Variants in GALNT17 observed in about 807,000 individuals in gnomAD.
GALNT17 encodes polypeptide N-acetylgalactosaminyltransferase 17.
GALNT17 carries 29 observed loss-of-function variants against 63.7 expected under a neutral mutation model. That is an observed-to-expected ratio of 0.46 (90% confidence interval 0.34 to 0.62). GALNT17 has a LOEUF of 0.62. Among genes scored for constraint, GALNT17 ranks in the 20% least tolerant of loss-of-function variants. The pLI, the probability that GALNT17 is intolerant of heterozygous loss-of-function variation, is 0.01. For missense variants in GALNT17, 603 were observed against 799.6 expected (o/e 0.75, Z 2.97); for synonymous variants, 305 against 318.3 (o/e 0.96, Z 0.45).
chr7:71,138,956 C>A (rs530273816), intron 1 of GALNT17, among the ~76,000 whole-genome samples: 2 of 151,936 alleles, frequency 1.3e-5, no homozygotes, highest in African/African-American at 2.4e-5. Flanking sequence ...GTCTGGGCGA[C>A]GGAACAAGAT....
intron 1 of GALNT17, among the ~76,000 whole-genome samples, chr7:71,311,248 A>G (rs1346192209): frequency 2.6e-5 from 4 of 152,146 alleles, no homozygotes; most frequent in Non-Finnish European, 5.9e-5. Context: ...GATGGGCCTG[A>G]TGAGGATGCA....
chr7:71,507,292 C>A (rs1788284863), intron 5 of GALNT17, among the ~76,000 whole-genome samples: 1 of 152,172 alleles, frequency 6.6e-6, no homozygotes, highest in Non-Finnish European at 1.5e-5. Flanking sequence ...AAAAAGTCTA[C>A]TGTTAAGCCT....
intron 1 of GALNT17, among the ~76,000 whole-genome samples, chr7:71,323,334 G>C (rs1361070246): frequency 1.3e-5 from 2 of 152,150 alleles, no homozygotes; most frequent in African/African-American, 2.4e-5. Context: ...CATCACTCTG[G>C]AATTTCTGCA....
intron 1 of GALNT17, among the ~76,000 whole-genome samples, chr7:71,159,791 G>A (rs931721111): frequency 6.7e-6 from 1 of 149,824 alleles, no homozygotes; most frequent in African/African-American, 2.5e-5. Flanking sequence ...ATTATTTTGG[G>A]TTTTTTTTGA....
chr7:71,225,002 C>T (rs1014826475), intron 1 of GALNT17, among the ~76,000 whole-genome samples: 3 of 152,126 alleles, frequency 2.0e-5, no homozygotes, highest in Non-Finnish European at 2.9e-5. Context: ...GAGACAGAGT[C>T]TCCCTCTGCC....
At chr7:71,661,247 C>G (rs889997747) in intron 6 of GALNT17, among the ~76,000 whole-genome samples, 1 of 152,070 alleles carries the variant, frequency 6.6e-6, no homozygotes, top group Non-Finnish European at 1.5e-5. Context: ...CGCATGTGGT[C>G]GGGGGTGTGG....
intron 5 of GALNT17, among the ~76,000 whole-genome samples, chr7:71,540,570 T>C (rs1788872690): frequency 6.6e-6 from 1 of 152,154 alleles, no homozygotes; most frequent in Non-Finnish European, 1.5e-5. Context: ...TTGTAGAGTA[T>C]TTTAATCAGG....
intron 9 of GALNT17, among the ~76,000 whole-genome samples, chr7:71,695,503 T>C (rs1406354137): frequency 6.6e-6 from 1 of 152,156 alleles, no homozygotes; most frequent in African/African-American, 2.4e-5. Flanking sequence ...TAAGCTCCCA[T>C]ATATATTTTT....
chr7:71,319,096 A>ATCTATCTTTCTTTTCTTTCTTTCTT (rs779161547), intron 1 of GALNT17, among the ~76,000 whole-genome samples: 1 of 131,882 alleles, frequency 7.6e-6, no homozygotes, highest in Non-Finnish European at 1.6e-5. Context: ...ATTTTTGTTT[A>ATCTATCTTTCTTTTCTTTCTTTCTT]TCTTTCTTTC....
At chr7:71,348,369 A>G (rs1792131881) in intron 2 of GALNT17, among the ~76,000 whole-genome samples, 1 of 152,220 alleles carries the variant, frequency 6.6e-6, no homozygotes, top group African/African-American at 2.4e-5. Context: ...GGCAATGTTA[A>G]TTAGATCTTT....
chr7:71,575,310 C>T (rs1789517615), intron 6 of GALNT17, among the ~76,000 whole-genome samples: 2 of 151,940 alleles, frequency 1.3e-5, no homozygotes, highest in Admixed American at 6.6e-5. Context: ...TTTACATATA[C>T]AAGCTTACCT....
At chr7:71,143,772 G>T (rs1787961213) in intron 1 of GALNT17, among the ~76,000 whole-genome samples, 1 of 152,054 alleles carries the variant, frequency 6.6e-6, no homozygotes, top group African/African-American at 2.4e-5. Context: ...GGGCACGGTG[G>T]CTCACGCCTG....
At position 71,161,009 on chromosome 7, in the gene GALNT17, A is replaced by AT. The variant is rs113875313; in HGVS notation, c.238+27979dup. ...CCACTATGCCTGGCTAATTAAAACAATTTTTTTTTTCCGTAGAGATAGGGT... is the reference window on the plus strand; with the variant it reads ...CCACTATGCCTGGCTAATTAAAACAATTTTTTTTTTTCCGTAGAGATAGGGT... On this transcript the variant is annotated intron_variant, in intron 1 of 10. Transcript: ENST00000333538. Among the ~76,000 whole-genome samples the AT allele has an allele frequency of 9.2e-3, 1,373 of 149,790 alleles. 24 individuals carry two copies. The highest frequency in any genetic ancestry group is 0.032 in the African/African-American group (1,294 of 40,788).
At chr7:71,497,396 C>G (rs1160844032) in intron 5 of GALNT17, among the ~76,000 whole-genome samples, 3 of 152,178 alleles carry the variant, frequency 2.0e-5, no homozygotes, top group Non-Finnish European at 4.4e-5. Context: ...CTTGGCTTGT[C>G]GAAGGCTGTC....
intron 9 of GALNT17, among the ~76,000 whole-genome samples, chr7:71,682,706 A>T (rs1715170150): frequency 1.3e-5 from 2 of 152,000 alleles, no homozygotes; most frequent in Admixed American, 1.3e-4. Flanking sequence ...CACCTTGCCC[A>T]GCTAATTTTT....
chr7:71,454,601 G>A lies in GALNT17; in HGVS notation c.962+33496G>A, dbSNP rs55999994. On this transcript the variant is annotated intron_variant, in intron 5 of 10. Coordinates refer to ENST00000333538, the MANE Select transcript of GALNT17 (RefSeq NM_022479.3). The stretch of plus-strand genomic sequence containing the variant: ...GAAATACTTTGAGAGAAGGTCAAAG[G>A]TAACAAGAATTTATGCTGAGTGGGG... Among the ~76,000 whole-genome samples, 711 of 152,270 alleles carry A rather than the reference G, an allele frequency of 4.7e-3. 3 individuals carry two copies. The highest frequency in any genetic ancestry group is 7.0e-3 in the Non-Finnish European group (475 of 68,012).
intron 1 of GALNT17, among the ~76,000 whole-genome samples, chr7:71,278,616 G>A (rs1449460724): frequency 6.6e-6 from 1 of 152,178 alleles, no homozygotes. Flanking sequence ...GGGCTGGGGA[G>A]GCCTCAGAAA....
Position 71,335,562 on chromosome 7 carries a change from C to T in GALNT17, c.251C>T (p.Ser84Phe), listed in dbSNP as rs986523227. The change falls in exon 2 of 11, where the codon TCC becomes TTC. Residue 84 changes from serine (S) to phenylalanine (F), a missense_variant. Around this residue, in one of 3 missense-constraint regions of GALNT17, gnomAD observed 195 missense variants for 215.0 expected, o/e 0.91. Coordinates refer to ENST00000333538, the MANE Select transcript of GALNT17 (RefSeq NM_022479.3). ...VYRQLNGLSKSLGLIEGYGGR... is the reference protein window; with the variant it reads ...VYRQLNGLSKFLGLIEGYGGR... ...CCACTTTTTCTAGGCTTATCCAAAT[C>T]CCTTGGGCTCATTGAAGGTTATGGT... is the stretch of plus-strand genomic sequence containing the variant. 1.1e-5 allele frequency: 17 copies of T among 1,597,898 alleles called. No individual in the cohort carries two copies. The Admixed American group carries it at 2.1e-4, about 20-fold the overall frequency.
At chr7:71,608,226 G>T (rs369443759) in intron 6 of GALNT17, among the ~76,000 whole-genome samples, 36 of 152,224 alleles carry the variant, frequency 2.4e-4, no homozygotes, top group Admixed American at 2.0e-3. Flanking sequence ...TGGCTTTCAG[G>T]TCACTGCAGC....
Sources: allele counts gnomAD v4.1 joint callset (sites outside exome capture counted in the v4.1 genomes callset), GRCh38; gene constraint gnomAD v4.1.1; regional missense constraint gnomAD v4.1.1; transcripts MANE v1.5; gene names NCBI Gene and HGNC (gene_info 2026-07-23, HGNC 2026-07-21).